VPS37A: variants seen among roughly 807,000 people sequenced by gnomAD.
The protein encoded by VPS37A is VPS37A subunit of ESCRT-I.
Under a neutral mutation model 49.8 loss-of-function variants are expected in VPS37A, and 30 were observed. That is an observed-to-expected ratio of 0.60 (90% CI 0.45 to 0.82). The LOEUF is 0.82. Among genes scored for constraint, VPS37A ranks in the 40% least tolerant of loss-of-function variants. VPS37A has a pLI of 0.00. For missense variants in VPS37A, 593 were observed against 464.4 expected (o/e 1.28, Z -2.55); for synonymous variants, 195 against 160.6 (o/e 1.21, Z -1.62).
At chr8:17,270,178 C>T (rs1813842661) in intron 4 of VPS37A, among the ~76,000 whole-genome samples, 1 of 152,008 alleles carries the variant, frequency 6.6e-6, no homozygotes, top group African/African-American at 2.4e-5. Context: ...CCCAGCAGGC[C>T]CCACCTCCAA....
the VPS37A span, among the ~76,000 whole-genome samples, chr8:17,312,556 CAG>C: frequency 8.7e-6 from 1 of 115,170 alleles, no homozygotes; most frequent in Non-Finnish European, 1.6e-5. Context: ...GCCTGGGTGA[CAG>C]AGCGAGACTC....
the VPS37A span, among the ~76,000 whole-genome samples, chr8:17,317,333 T>C: frequency 6.6e-6 from 1 of 152,194 alleles, no homozygotes; most frequent in African/African-American, 2.4e-5. Context: ...TGCGAGTCCT[T>C]TGTCTTCGAT....
chr8:17,280,440 T>G lies in VPS37A; in HGVS notation c.966T>G (p.Ser322Arg), dbSNP rs777975792. 6.2e-7 allele frequency: 1 copy of G among 1,607,256 alleles called. No individual in the cohort carries two copies. Among genetic ancestry groups the G allele is most frequent in the Non-Finnish European group, 8.5e-7 (1 of 1,177,788 alleles). ...EKKMQRQHEL[S>R]ESCSASALQA... ...AGATGCAAAGGCAGCATGAACTTAG[T>G]GAGGTAAGACTGTTTATTTTTTTCC... The change falls in exon 9 of 12, where the codon AGT becomes AGG. Residue 322 changes from serine to arginine, a missense_variant. By Grantham distance (110) the Ser-to-Arg change is moderately radical (BLOSUM62 -1). Transcript: ENST00000324849.
At chr8:17,292,725 G>C (rs1033047746) in intron 11 of VPS37A, among the ~76,000 whole-genome samples, 2 of 152,120 alleles carry the variant, frequency 1.3e-5, no homozygotes, top group African/African-American at 2.4e-5. Context: ...ATGAAGCTTA[G>C]TTTGGCTGGA....
Sources: allele counts gnomAD v4.1 joint callset (sites outside exome capture counted in the v4.1 genomes callset), GRCh38; gene constraint gnomAD v4.1.1; transcripts MANE v1.5; gene names NCBI Gene and HGNC (gene_info 2026-07-23, HGNC 2026-07-21).